SRCAP: variants seen among roughly 807,000 people sequenced by gnomAD.
SRCAP encodes the protein Snf2 related CREBBP activator protein, also known as chromatin remodeling protein SRCAP.
Under a neutral mutation model 263.1 loss-of-function variants are expected in SRCAP, and 46 were observed. The ratio of observed to expected loss-of-function variants is 0.17; its 90% CI spans 0.14 to 0.22. SRCAP has a LOEUF of 0.22. Ranked by LOEUF, SRCAP falls within the 10% of genes least tolerant of loss-of-function variation. SRCAP has a pLI of 1.00. For synonymous variants in SRCAP, 1,813 were observed against 1,662.1 expected (o/e 1.09, Z -2.21); for missense variants, 3,695 against 4,181.9 (o/e 0.88, Z 3.21).
In SRCAP at chr16:30,725,049, GC is replaced by G. The variant is rs748467821; in HGVS notation, c.5633del (p.Pro1878HisfsTer89). 3 of 1,603,644 alleles carry G rather than the reference GC, an allele frequency of 1.9e-6. No homozygotes were observed. The highest frequency in any genetic ancestry group is 1.1e-5 in the South Asian group (1 of 90,506). ...SFGGPRPRRQ[P>X]PPPPRSPFYL... Reference sequence around the variant, plus strand: ...TTGGTGGCCCCCGGCCTCGACGCCAGCCCCCCCCACCACCTCGTTCCCCTTT... The same window carrying G: ...TTGGTGGCCCCCGGCCTCGACGCCAGCCCCCCCACCACCTCGTTCCCCTTT... On this transcript the variant is annotated frameshift_variant, in exon 25 of 34. Coordinates refer to ENST00000262518, the MANE Select transcript of SRCAP (RefSeq NM_006662.3). LOFTEE classifies it high-confidence loss of function.
intron 26 of SRCAP, 56 bp from the exon 27 acceptor site, chr16:30,729,314 C>A: frequency 6.2e-7 from 1 of 1,608,876 alleles, no homozygotes; most frequent in Non-Finnish European, 8.5e-7. Flanking sequence ...AAGGTGTTAA[C>A]TTCTGGGGCA....
At chr16:30,730,238 C>G (rs2053100473) in intron 27 of SRCAP, among the ~76,000 whole-genome samples, 1 of 152,206 alleles carries the variant, frequency 6.6e-6, no homozygotes, top group South Asian at 2.1e-4. Flanking sequence ...TGGTACAAGA[C>G]TGCACAGTAA....
In SRCAP at chr16:30,738,524, C is replaced by T. The variant is rs775815013; in HGVS notation, c.8484C>T (p.Arg2828=). ...PTPPQQPFIA[R]RHIELGVTGG... is the part of the protein sequence containing the mutation. The stretch of plus-strand genomic sequence containing the variant: ...CACCCCAGCAGCCCTTCATTGCTCG[C>T]CGTCACATTGAGCTGGGGGTGACTG... Residue 2828 remains arginine (R), a synonymous_variant, in exon 34 of 34, where the codon CGC becomes CGT. Coordinates refer to ENST00000262518, the MANE Select transcript of SRCAP (RefSeq NM_006662.3). 1 of 1,612,168 alleles carries T rather than the reference C, an allele frequency of 6.2e-7. No homozygotes were observed. The highest frequency in any genetic ancestry group is 1.1e-5 in the South Asian group (1 of 90,834).
rs2052848096 is a variant in SRCAP, at chr16:30,708,151, C to T, written c.633+439C>T. ...TTTTGTATATCTCTGTCCATTTACA[C>T]ATAGACTTTATGCTGCTGGGAATGC... is the stretch of plus-strand genomic sequence containing the variant. On this transcript the variant is annotated intron_variant, in intron 6 of 33. Transcript: ENST00000262518. Among the ~76,000 whole-genome samples, 3 of 152,182 alleles carry T rather than the reference C, an allele frequency of 2.0e-5. No homozygotes were observed. In the South Asian group the frequency reaches 6.2e-4, roughly 31 times the overall value.
In SRCAP at chr16:30,723,222, A is replaced by C. The variant is rs968391215; in HGVS notation, c.4152A>C (p.Glu1384Asp). 3 of 1,608,100 alleles carry C rather than the reference A, an allele frequency of 1.9e-6. No individual in the cohort carries two copies. The Admixed American group carries it at 5.0e-5, about 27-fold the overall frequency. ...AGCTGGTCCACAGTCCTTCACCTGA[A>C]GTCAGTGGTGAGTCCAGGTGGCTGA... ...LLKLVHSPSP[E>D]VSASAPGAAP... The change falls in exon 24 of 34, where the codon GAA becomes GAC. Residue 1384 changes from glutamate (E) to aspartate (D), a missense_variant. By Grantham distance (45) the Glu-to-Asp change is conservative. This residue lies in a region of SRCAP where 1,347 missense variants were observed against 1,304.4 expected (regional missense o/e 1.03). Coordinates refer to ENST00000262518, the MANE Select transcript of SRCAP (RefSeq NM_006662.3).
In SRCAP at chr16:30,733,015, T is replaced by A. The variant is rs1344796772; in HGVS notation, c.6128-265T>A. ...CACGCCCAGCTAATTTTTGTGTTTT[T>A]AGTAGAGACAGGGTCTCATCATGTT... On this transcript the variant is annotated intron_variant, in intron 27 of 33. Coordinates refer to ENST00000262518, the MANE Select transcript of SRCAP (RefSeq NM_006662.3). The surrounding 1 kb of genome is among the most constrained non-coding windows in gnomAD (Gnocchi z 5.3). 1.3e-5 allele frequency among the ~76,000 whole-genome samples: 2 copies of A among 152,158 alleles called. No homozygotes were observed. Among genetic ancestry groups the A allele is most frequent in the African/African-American group, 2.4e-5 (1 of 41,434 alleles).
rs775321312 is a variant in SRCAP at position 30,738,868 on chromosome 16, C to A, written c.8828C>A (p.Pro2943His). The change falls in exon 34 of 34, where the codon CCT (proline) becomes CAT (histidine). Residue 2943 changes from proline to histidine, a missense_variant. By Grantham distance (77) the Pro-to-His change is moderately conservative (BLOSUM62 -2). This residue lies in a region of SRCAP where 1,207 missense variants were observed against 1,142.9 expected (regional missense o/e 1.06). Transcript: ENST00000262518. Reference protein sequence around the residue: ...PVEKRRRGRPPKARDLPIPGT... With the variant: ...PVEKRRRGRPHKARDLPIPGT... ...GAGAAAAGAAGGCGAGGACGACCCC[C>A]TAAAGCACGAGATTTGCCCATCCCT... 6.2e-7 allele frequency: 1 copy of A among 1,614,048 alleles called. No homozygotes were observed. The highest frequency in any genetic ancestry group is 1.1e-5 in the South Asian group (1 of 91,086).
At chr16:30,734,764 C>T in intron 31 of SRCAP, 149 bp downstream of exon 31, 1 of 1,238,084 alleles carries the variant, frequency 8.1e-7, no homozygotes. Flanking sequence ...AAGCACATTG[C>T]TTATTGGTTC....
Position 30,721,279 on chromosome 16 carries a change from G to C in SRCAP, c.3344G>C (p.Arg1115Pro). 3.1e-6 allele frequency: 5 copies of C among 1,613,996 alleles called. No homozygotes were observed. The highest frequency in any genetic ancestry group is 4.2e-6 in the Non-Finnish European group (5 of 1,179,996). Residue 1115 changes from arginine (R) to proline (P), a missense_variant, in exon 21 of 34, where the codon CGC becomes CCC. Physicochemically the swap from Arg to Pro is moderately radical, Grantham distance 103. Transcript: ENST00000262518. ...AAGCCAACACCACCTGCCCCAGTTC[G>C]CCTGAGCCCAGCCCCACCTCCAGGC... ...SLKPTPPAPVRLSPAPPPGSS... is the reference protein window; with the variant it reads ...SLKPTPPAPVPLSPAPPPGSS...
In SRCAP at chr16:30,723,843, G is replaced by A; in HGVS notation, c.4419G>A (p.Leu1473=). ...TTTCTGCTTCGGGCCCAGCTCTGTT[G>A]ACCAGTGTGACTCCACCATTGGCAC... ...LTVSASGPAL[L]TSVTPPLAPV... Residue 1473 remains leucine, a synonymous_variant, in exon 25 of 34, where the codon TTG becomes TTA. Coordinates refer to ENST00000262518, the MANE Select transcript of SRCAP (RefSeq NM_006662.3). The A allele has an allele frequency of 6.2e-7, 1 of 1,613,862 alleles. No homozygotes were observed. Among genetic ancestry groups the A allele is most frequent in the South Asian group, 1.1e-5 (1 of 91,086 alleles).
chr16:30,735,308 G>A (rs2151299095), intron 31 of SRCAP, among the ~76,000 whole-genome samples: 1 of 150,298 alleles, frequency 6.7e-6, no homozygotes, highest in South Asian at 2.1e-4. Flanking sequence ...CACTACGCCC[G>A]GCTAATTTTT....
Position 30,722,571 on chromosome 16 carries a change from G to T in SRCAP, c.3715G>T (p.Val1239Leu), listed in dbSNP as rs747336571. The change falls in exon 23 of 34, where the codon GTG (valine) becomes TTG (leucine). Residue 1239 changes from valine (V) to leucine (L), a missense_variant. By Grantham distance (32) the Val-to-Leu change is conservative (BLOSUM62 1). Transcript: ENST00000262518. ...CTCTTCCCTTAACCCAGGGAATGTG[G>T]TGCACCTCGTGTCAGCAGGGGGGCA... ...GQPRPLQRNVVHLVSAGGQHH... is the reference protein window; with the variant it reads ...GQPRPLQRNVLHLVSAGGQHH... 1 of 1,613,954 alleles carries T rather than the reference G, an allele frequency of 6.2e-7. No homozygotes were observed. The highest frequency in any genetic ancestry group is 1.3e-5 in the African/African-American group (1 of 74,978).
intron 6 of SRCAP, among the ~76,000 whole-genome samples, chr16:30,709,213 T>A (rs1220558852): frequency 1.3e-5 from 2 of 152,082 alleles, no homozygotes; most frequent in East Asian, 3.9e-4. Flanking sequence ...GAGGATCATT[T>A]GAGCCCAGGA....
intron 31 of SRCAP, among the ~76,000 whole-genome samples, chr16:30,735,727 C>T (rs1253271125): frequency 2.6e-5 from 4 of 151,594 alleles, no homozygotes; most frequent in South Asian, 2.1e-4. Flanking sequence ...ATTACAGGCG[C>T]GTGCCACCAC....
chr16:30,738,404 G>GTT lies in SRCAP; in HGVS notation c.8364_8365insTT (p.Gly2789LeufsTer48). ...GGGTCTCTGAGACTAGTGCCAGCCCGGGAAGCCCGTCTGTCCGCAGCATGT... is the reference window on the plus strand; with the variant it reads ...GGGTCTCTGAGACTAGTGCCAGCCCGTTGGAAGCCCGTCTGTCCGCAGCATGT... On this transcript the variant is annotated frameshift_variant, in exon 34 of 34. Transcript: ENST00000262518. 6.5e-7 allele frequency: 1 copy of GTT among 1,547,030 alleles called. No homozygotes were observed. The highest frequency in any genetic ancestry group is 1.3e-5 in the South Asian group (1 of 79,878).
chr16:30,722,496 G>A, intron 22 of SRCAP, 67 bp from the exon 23 acceptor site: 3 of 1,578,454 alleles, frequency 1.9e-6, no homozygotes, highest in East Asian at 2.2e-5. Context: ...TTCTCTTCTT[G>A]CCTTGCCTCT....
At chr16:30,736,006 T>C in intron 31 of SRCAP, among the ~76,000 whole-genome samples, 194 bp from the exon 32 acceptor site, 1 of 150,130 alleles carries the variant, frequency 6.7e-6, no homozygotes, top group East Asian at 1.9e-4. Flanking sequence ...CTAGTGGGAG[T>C]CCTGGTAAAA....
At chr16:30,706,029 C>T (rs1393007249) in intron 4 of SRCAP, among the ~76,000 whole-genome samples, 1 of 152,182 alleles carries the variant, frequency 6.6e-6, no homozygotes, top group Non-Finnish European at 1.5e-5. Flanking sequence ...ATTCCGGTGC[C>T]TCCTCAAGTT....
Position 30,723,567 on chromosome 16 carries a change from A to G in SRCAP, c.4160-17A>G. ...AGGAAAAGAATTCTGGGGCTAACTC[A>G]TCCTCTCTCTCCACAGCTTCAGCCC... On this transcript the variant is annotated splice_polypyrimidine_tract_variant and intron_variant, in intron 24 of 33. Transcript: ENST00000262518. The G allele has an allele frequency of 2.5e-6, 4 of 1,602,310 alleles. No individual in the cohort carries two copies. Among genetic ancestry groups the G allele is most frequent in the Non-Finnish European group, 3.4e-6 (4 of 1,173,324 alleles).
Sources: gnomAD v4.1 joint callset for allele counts (sites outside exome capture counted in the v4.1 genomes callset) on GRCh38, gnomAD v4.1.1 for gene constraint, gnomAD v4.1.1 regional missense constraint, Gnocchi (gnomAD v3.1) non-coding constraint, MANE v1.5 for transcripts, NCBI Gene and HGNC (gene_info 2026-07-23, HGNC 2026-07-21) for gene names.